Variants in AXL observed in about 807,000 individuals in gnomAD.
AXL encodes the protein tyrosine-protein kinase receptor UFO.
Under a neutral mutation model 104.5 loss-of-function variants are expected in AXL, and 52 were observed. The observed-to-expected ratio is 0.50, with a 90% CI of 0.40 to 0.63. AXL has a LOEUF of 0.63. Among genes scored for constraint, AXL ranks in the 20% least tolerant of loss-of-function variants. The pLI is 0.00. For synonymous variants in AXL, 455 were observed against 473.7 expected, an observed-to-expected ratio of 0.96 and a Z score of 0.51; for missense variants, 1,024 against 1,188.5, an observed-to-expected ratio of 0.86 and a Z score of 2.04.
intron 6 of AXL, among the ~76,000 whole-genome samples, chr19:41,231,506 G>A (rs564157290): frequency 1.3e-5 from 2 of 152,240 alleles, no homozygotes; most frequent in East Asian, 1.9e-4. Flanking sequence ...TAATCTGTCC[G>A]GGGCTCAGCT....
chr19:41,221,457 T>C (rs1328736809), intron 3 of AXL: 1 of 545,116 alleles, frequency 1.8e-6, no homozygotes, highest in Non-Finnish European at 3.2e-6. Flanking sequence ...GGGGATTATA[T>C]GTTCTGGGTG....
chr19:41,249,880 G>A (rs1258789913), intron 14 of AXL, among the ~76,000 whole-genome samples: 1 of 152,142 alleles, frequency 6.6e-6, no homozygotes, highest in Non-Finnish European at 1.5e-5. Context: ...CTACCTGCCA[G>A]TCTCCCATAA....
In AXL at chr19:41,248,607, A is replaced by G; in HGVS notation, c.1631A>G (p.Glu544Gly). The part of the protein sequence containing the change: ...HKVALGKTLG[E>G]GEFGAVMEGQ... The stretch of plus-strand genomic sequence containing the variant: ...GTGGCCCTGGGGAAGACTCTGGGAG[A>G]GGGTGAGTCCCCCGGCAGCATACAC... The change falls in exon 13 of 20, where the codon GAG becomes GGG. Residue 544 changes from glutamate (E) to glycine (G), a missense_variant and splice_region_variant. This residue lies in a region of AXL where 523 missense variants were observed against 636.0 expected (regional missense o/e 0.82). Coordinates refer to ENST00000301178, the MANE Select transcript of AXL (RefSeq NM_021913.5). 6.2e-7 allele frequency: 1 copy of G among 1,614,020 alleles called. No individual in the cohort carries two copies. Among genetic ancestry groups the G allele is most frequent in the South Asian group, 1.1e-5 (1 of 91,084 alleles).
At position 41,219,297 on chromosome 19, in the gene AXL, C is replaced by T. The variant is rs1401733508; in HGVS notation, c.-96C>T. On this transcript the variant is annotated 5_prime_UTR_variant, in exon 1 of 20. Coordinates refer to ENST00000301178, the MANE Select transcript of AXL (RefSeq NM_021913.5). ...TGTGCCAGGCAGGCAGTGCCAAATC[C>T]GGGGAGCCTGGAGCTGGGGGGAGGG... 17 of 1,262,616 alleles carry T rather than the reference C, an allele frequency of 1.3e-5. No individual in the cohort carries two copies. Among genetic ancestry groups the T allele is most frequent in the South Asian group, 8.9e-5 (6 of 67,782 alleles). The allele number at this position is 1,262,616 out of a possible 1,614,324, so 78.2% of individuals were successfully genotyped here.
intron 3 of AXL, 22 bp downstream of exon 3, chr19:41,221,268 C>T (rs1455182854): frequency 2.5e-6 from 4 of 1,604,944 alleles, no homozygotes; most frequent in Non-Finnish European, 3.4e-6. Flanking sequence ...GGTCAGGGGT[C>T]CTGAGGGGTC....
chr19:41,222,699 G>A (rs2122201305), intron 4 of AXL, among the ~76,000 whole-genome samples: 1 of 152,128 alleles, frequency 6.6e-6, no homozygotes, highest in African/African-American at 2.4e-5. Context: ...GAGGTCAGGA[G>A]ATCAAGACCA....
chr19:41,245,131 A>G (rs994634668), intron 12 of AXL, among the ~76,000 whole-genome samples: 1 of 148,754 alleles, frequency 6.7e-6, no homozygotes, highest in African/African-American at 2.5e-5. Context: ...AGGTTTCACC[A>G]TATTGGCCAG....
intron 6 of AXL, among the ~76,000 whole-genome samples, chr19:41,237,395 A>T (rs1389229588): frequency 1.3e-5 from 2 of 152,088 alleles, no homozygotes; most frequent in African/African-American, 4.8e-5. Flanking sequence ...GGCGAGCGCC[A>T]CCACATCCAG....
rs199786659 is a variant in AXL at position 41,253,735 on chromosome 19, C to A, written c.2036+27C>A. The A allele has an allele frequency of 1.8e-4, 275 of 1,529,722 alleles. 1 individual carries two copies. Among genetic ancestry groups the A allele is most frequent in the South Asian group, 4.8e-4 (41 of 86,236 alleles). 94.8% of individuals were successfully genotyped at this position (1,529,722 alleles called of 1,614,324 possible). ...TGAGTGCCTTTCAGGGACCCCCCCC[C>A]CCCAACTGCTCCTGCACTCCCTGAG... is the stretch of plus-strand genomic sequence containing the variant. On this transcript the variant is annotated intron_variant, in intron 17 of 19. Coordinates refer to ENST00000301178, the MANE Select transcript of AXL (RefSeq NM_021913.5).
chr19:41,254,368 C>G (rs1325987578), intron 17 of AXL, among the ~76,000 whole-genome samples: 23 of 128,736 alleles, frequency 1.8e-4, no homozygotes, highest in African/African-American at 6.5e-4. Flanking sequence ...CAGAGCAAGA[C>G]TCTGTCTCAA....
chr19:41,222,184 C>T (rs1273880840), intron 4 of AXL, 128 bp downstream of exon 4: 5 of 1,062,866 alleles, frequency 4.7e-6, no homozygotes, highest in African/African-American at 3.3e-5. Context: ...CTGTCTCTCT[C>T]GTTTCTCCCT....
At chr19:41,219,635 C>T (rs1216889182) in intron 1 of AXL, among the ~76,000 whole-genome samples, 158 bp downstream of exon 1, 1 of 151,252 alleles carries the variant, frequency 6.6e-6, no homozygotes, top group Non-Finnish European at 1.5e-5. Flanking sequence ...GACACAGACT[C>T]AGAGACACCA....
rs547092313 is a variant in AXL at position 41,261,743 on chromosome 19, A to T, written c.*1839A>T. On this transcript the variant is annotated 3_prime_UTR_variant, in exon 20 of 20. Coordinates refer to ENST00000301178, the MANE Select transcript of AXL (RefSeq NM_021913.5). Reference sequence around the variant, plus strand: ...TGGTGCCTCCAGAGGGGCTCAGGTCACATAAAACTTTGTATATCAACGAGC... The same window carrying T: ...TGGTGCCTCCAGAGGGGCTCAGGTCTCATAAAACTTTGTATATCAACGAGC... 1.3e-5 allele frequency: 2 copies of T among 152,576 alleles called. No individual in the cohort carries two copies. The highest frequency in any genetic ancestry group is 4.1e-4 in the South Asian group (2 of 4,820). The allele number at this position is 152,576 out of a possible 1,614,324, so 9.5% of individuals were successfully genotyped here.
In AXL at chr19:41,231,196, G is replaced by GC; in HGVS notation, c.685dup (p.Arg229ProfsTer2). The GC allele has an allele frequency of 6.2e-7, 1 of 1,613,072 alleles. No homozygotes were observed. Among genetic ancestry groups the GC allele is most frequent in the Non-Finnish European group, 8.5e-7 (1 of 1,179,454 alleles). On this transcript the variant is annotated frameshift_variant, in exon 6 of 20. Transcript: ENST00000301178. LOFTEE classifies it high-confidence loss of function. ...GTTTGTCCACAGTGCTCCCCCAGCAGCCCCGTAACCTCCACCTGGTCTCCC... is the reference window on the plus strand; with the variant it reads ...GTTTGTCCACAGTGCTCCCCCAGCAGCCCCCGTAACCTCCACCTGGTCTCCC...
chr19:41,228,345 G>A (rs2033918543), intron 4 of AXL, among the ~76,000 whole-genome samples: 1 of 152,110 alleles, frequency 6.6e-6, no homozygotes. Context: ...TTGAGGTCAG[G>A]AGTTCGAGAC....
chr19:41,222,569 C>T (rs2033810643), intron 4 of AXL, among the ~76,000 whole-genome samples: 1 of 152,182 alleles, frequency 6.6e-6, no homozygotes, highest in African/African-American at 2.4e-5. Context: ...CAGCCCGGTC[C>T]CCACTGGGGA....
chr19:41,241,543 C>CA (rs11457010), intron 10 of AXL, among the ~76,000 whole-genome samples: 21,119 of 66,472 alleles, frequency 0.32, 2,136 homozygotes, highest in Middle Eastern at 0.43. Context: ...GACTCTGTCT[C>CA]AAAAAAAAAA....
chr19:41,252,713 C>A, intron 15 of AXL, 133 bp from the exon 16 acceptor site: 1 of 1,490,122 alleles, frequency 6.7e-7, no homozygotes, highest in Non-Finnish European at 9.0e-7. Context: ...GTCCTTGCCA[C>A]TGCCACTACC....
chr19:41,246,033 C>T (rs937403580), intron 12 of AXL, among the ~76,000 whole-genome samples: 1 of 152,196 alleles, frequency 6.6e-6, no homozygotes, highest in Non-Finnish European at 1.5e-5. Flanking sequence ...ATTATTTGCC[C>T]TTTTGCTTTC....
Sources: gnomAD v4.1 joint callset for allele counts (sites outside exome capture counted in the v4.1 genomes callset) on GRCh38, gnomAD v4.1.1 for gene constraint, gnomAD v4.1.1 regional missense constraint, MANE v1.5 for transcripts, NCBI Gene and HGNC (gene_info 2026-07-23, HGNC 2026-07-21) for gene names.